Variants in CNIH3 observed in about 807,000 individuals in gnomAD.
CNIH3 encodes the protein cornichon family AMPA receptor auxiliary protein 3.
In CNIH3, 14 loss-of-function variants were observed where a neutral mutation model predicts 24.1. The ratio of observed to expected loss-of-function variants is 0.58; its 90% confidence interval spans 0.38 to 0.91. CNIH3 has a LOEUF of 0.91. CNIH3 is among the 40% of genes least tolerant of loss of function. CNIH3 has a pLI of 0.00. For missense variants in CNIH3, 178 were observed against 196.8 expected (o/e 0.90, Z 0.57); for synonymous variants, 68 against 73.8 (o/e 0.92, Z 0.40).
chr1:224,696,620 G>T (rs1458383023), intron 3 of CNIH3, among the ~76,000 whole-genome samples: 1 of 152,240 alleles, frequency 6.6e-6, no homozygotes, highest in Admixed American at 6.5e-5. Context: ...GCTGGGCATT[G>T]TATGGGTTGT....
At chr1:224,474,709 AG>A (rs1368734589) in intron 1 of CNIH3, among the ~76,000 whole-genome samples, 1 of 152,100 alleles carries the variant, frequency 6.6e-6, no homozygotes, top group African/African-American at 2.4e-5. Context: ...ATCCAGACTA[AG>A]AAAAAAAGAA....
chr1:224,716,091 G>T (rs1283230168), intron 3 of CNIH3, among the ~76,000 whole-genome samples: 1 of 152,050 alleles, frequency 6.6e-6, no homozygotes, highest in Non-Finnish European at 1.5e-5. Context: ...TCTGTAGATG[G>T]TACCTCCTAA....
intron 3 of CNIH3, among the ~76,000 whole-genome samples, chr1:224,723,959 T>G (rs1688882463): frequency 6.6e-6 from 1 of 152,180 alleles, no homozygotes; most frequent in African/African-American, 2.4e-5. Flanking sequence ...TTCACGCCGC[T>G]AATCCCCACA....
chr1:224,664,615 A>G (rs571961113), intron 1 of CNIH3: 1 of 152,334 alleles, frequency 6.6e-6, no homozygotes, highest in East Asian at 1.9e-4. Context: ...ATAACTTTTA[A>G]ATATGAGTTT....
In CNIH3 at chr1:224,458,481, C is replaced by T. The variant is rs1675770523; in HGVS notation, n.203+23619C>T. Among the ~76,000 whole-genome samples the T allele has an allele frequency of 6.6e-6, 1 of 152,184 alleles. No individual in the cohort carries two copies. Among genetic ancestry groups the T allele is most frequent in the African/African-American group, 2.4e-5 (1 of 41,434 alleles). ...CAGCTCCTGACATCAGAGAGAAGGG[C>T]TGGGATTGTGGCCTGCGGTTGGTGG... is the stretch of plus-strand genomic sequence containing the variant. On this transcript the variant is annotated intron_variant and non_coding_transcript_variant, in intron 1 of 5. Coordinates refer to the CNIH3 transcript ENST00000471578. The surrounding 1 kb of genome is among the most constrained non-coding windows in gnomAD (Gnocchi z 4.3).
At chr1:224,528,099 T>TAAAAAATACA (rs1678916311) in intron 2 of CNIH3, among the ~76,000 whole-genome samples, 2 of 151,736 alleles carry the variant, frequency 1.3e-5, no homozygotes, top group South Asian at 4.2e-4. Context: ...CCCATCTCTA[T>TAAAAAATACA]AAAAAATACA....
At chr1:224,626,869 ATGTGC>A (rs1455443906) in intron 1 of CNIH3, among the ~76,000 whole-genome samples, 2 of 152,148 alleles carry the variant, frequency 1.3e-5, no homozygotes, top group Non-Finnish European at 2.9e-5. Context: ...TAAGTTTTCC[ATGTGC>A]TGTCACTGAC....
chr1:224,459,661 C>T (rs1041482653), intron 1 of CNIH3, among the ~76,000 whole-genome samples: 3 of 151,982 alleles, frequency 2.0e-5, no homozygotes, highest in Non-Finnish European at 4.4e-5. Context: ...ATAGTAGTGT[C>T]TCTTAGCTTC....
intron 1 of CNIH3, among the ~76,000 whole-genome samples, chr1:224,471,660 G>T (rs995483776): frequency 6.7e-6 from 1 of 150,354 alleles, no homozygotes; most frequent in Non-Finnish European, 1.5e-5. Flanking sequence ...GCGTGATCTC[G>T]GCTCACCGCA....
At chr1:224,463,202 A>G (rs1328852002) in intron 1 of CNIH3, among the ~76,000 whole-genome samples, 1 of 152,068 alleles carries the variant, frequency 6.6e-6, no homozygotes, top group Non-Finnish European at 1.5e-5. Context: ...GGCCTGTTTA[A>G]CTTTTTAAGA....
chr1:224,696,403 G>T (rs1298379982), intron 3 of CNIH3, among the ~76,000 whole-genome samples: 2 of 152,348 alleles, frequency 1.3e-5, no homozygotes, highest in East Asian at 1.9e-4. Context: ...CAACATCAGG[G>T]ACTTTATTCC....
intron 3 of CNIH3, among the ~76,000 whole-genome samples, chr1:224,701,404 TAGAC>T (rs1254908523): frequency 3.3e-5 from 5 of 152,134 alleles, no homozygotes; most frequent in Non-Finnish European, 7.4e-5. Context: ...TCCTGGTTCA[TAGAC>T]AGCTGTCTTC....
chr1:224,552,998 C>T (rs1442928918), intron 3 of CNIH3, among the ~76,000 whole-genome samples: 1 of 149,772 alleles, frequency 6.7e-6, no homozygotes, highest in Non-Finnish European at 1.5e-5. Flanking sequence ...TGTACACCTC[C>T]TGTGATATTA....
At chr1:224,734,865 A>C (rs1033146038) in intron 5 of CNIH3, among the ~76,000 whole-genome samples, 159 bp downstream of exon 5, 3 of 152,200 alleles carry the variant, frequency 2.0e-5, no homozygotes, top group African/African-American at 4.8e-5. Context: ...CTCAGGAGCA[A>C]GGGCTTCTGT....
intron 3 of CNIH3, among the ~76,000 whole-genome samples, chr1:224,729,138 C>T (rs909184316): frequency 1.6e-4 from 25 of 151,950 alleles, no homozygotes; most frequent in Admixed American, 5.2e-4. Flanking sequence ...AGGCTGGGGA[C>T]GGTGGCTCGT....
intron 1 of CNIH3, among the ~76,000 whole-genome samples, chr1:224,519,206 A>T (rs1678520647): frequency 6.6e-6 from 1 of 152,202 alleles, no homozygotes; most frequent in African/African-American, 2.4e-5. Context: ...GGTTTAATTG[A>T]CTCACAGCAC....
intron 1 of CNIH3, among the ~76,000 whole-genome samples, chr1:224,494,829 G>A (rs888883771): frequency 1.3e-5 from 2 of 152,036 alleles, no homozygotes; most frequent in Non-Finnish European, 2.9e-5. Context: ...AACGCCCTCT[G>A]GATCTTTGTC....
chr1:224,601,155 G>C (rs1682190915), intron 3 of CNIH3, among the ~76,000 whole-genome samples: 1 of 152,200 alleles, frequency 6.6e-6, no homozygotes, highest in Non-Finnish European at 1.5e-5. Context: ...CAAGTGCGCT[G>C]TTTGACCTTT....
intron 1 of CNIH3, among the ~76,000 whole-genome samples, chr1:224,479,885 G>C (rs1293061398): frequency 6.6e-6 from 1 of 152,184 alleles, no homozygotes; most frequent in Admixed American, 6.5e-5. Context: ...CAAGCTGTCA[G>C]TGGATCTACC....
Sources: gnomAD v4.1 joint callset for allele counts (sites outside exome capture counted in the v4.1 genomes callset) on GRCh38, gnomAD v4.1.1 for gene constraint, Gnocchi (gnomAD v3.1) non-coding constraint, MANE v1.5 for transcripts, NCBI Gene and HGNC (gene_info 2026-07-23, HGNC 2026-07-21) for gene names.